The following PCDHA8 variants were observed in gnomAD, a reference collection of about 807,000 sequenced individuals.
The protein encoded by PCDHA8 is protocadherin alpha-8.
PCDHA8 carries 53 observed loss-of-function variants against 61.8 expected under a neutral mutation model. The observed-to-expected ratio is 0.86, with a 90% CI of 0.69 to 1.08. PCDHA8 has a LOEUF of 1.08. Among genes scored for constraint, PCDHA8 ranks in the 50% least tolerant of loss-of-function variants. The pLI is 0.00. For missense variants in PCDHA8, 1,293 were observed against 1,245.0 expected (o/e 1.04, Z -0.58); for synonymous variants, 618 against 556.6 (o/e 1.11, Z -1.55).
rs2150397998 is a variant in PCDHA8, at chr5:140,847,199, C to T, written c.2394+3484C>T. On this transcript the variant is annotated intron_variant, in intron 1 of 3. Coordinates refer to ENST00000531613, the MANE Select transcript of PCDHA8 (RefSeq NM_018911.3). ...GGCCATGAGTGATTAAGGAATTTGGCCACTCTTTAGAATTAATTGGGAGCT... is the reference window on the plus strand; with the variant it reads ...GGCCATGAGTGATTAAGGAATTTGGTCACTCTTTAGAATTAATTGGGAGCT... Among the ~76,000 whole-genome samples the T allele has an allele frequency of 2.7e-5, 4 of 149,538 alleles. No homozygotes were observed. In the East Asian group the frequency reaches 7.8e-4, roughly 29 times the overall value.
intron 1 of PCDHA8, chr5:140,968,831 C>T (rs1469537973): frequency 1.2e-6 from 2 of 1,614,020 alleles, no homozygotes; most frequent in Non-Finnish European, 8.5e-7. Flanking sequence ...CAAAATCCTC[C>T]CTGACACTCA....
chr5:140,869,252 A>G (rs1204781858), intron 1 of PCDHA8: 2 of 1,613,490 alleles, frequency 1.2e-6, no homozygotes, highest in African/African-American at 2.7e-5. Flanking sequence ...CGCATCGCGC[A>G]GGACCTGGGG....
chr5:140,934,704 T>C (rs185443398), intron 1 of PCDHA8, among the ~76,000 whole-genome samples: 134 of 152,288 alleles, frequency 8.8e-4, no homozygotes, highest in Non-Finnish European at 1.6e-3. Context: ...TTCCTGGCCA[T>C]CTTACAAAAA....
chr5:140,849,671 C>T (rs2150444365), intron 1 of PCDHA8: 6 of 1,598,630 alleles, frequency 3.8e-6, no homozygotes, highest in Middle Eastern at 1.7e-4. Flanking sequence ...TGACGCCCCA[C>T]GTCCCCTTCA....
chr5:140,898,547 A>C (rs1337213913), intron 1 of PCDHA8, among the ~76,000 whole-genome samples: 3 of 152,078 alleles, frequency 2.0e-5, no homozygotes, highest in Non-Finnish European at 4.4e-5. Flanking sequence ...CCATTTATCT[A>C]TGTCTCTGTT....
rs114294981 is a variant in PCDHA8, at chr5:140,997,261, C to T, written c.2543-12366C>T. On this transcript the variant is annotated intron_variant, in intron 3 of 3. Transcript: ENST00000531613. ...CATGTTTACTTTAGGGTTCACTCTT[C>T]CAAATATTTCTTGCATCACTTAACA... Among the ~76,000 whole-genome samples, 265 of 152,266 alleles carry T rather than the reference C, an allele frequency of 1.7e-3. 1 individual carries two copies. The highest frequency in any genetic ancestry group is 6.2e-3 in the African/African-American group (257 of 41,540).
At chr5:140,899,217 C>T (rs1467184800) in intron 1 of PCDHA8, among the ~76,000 whole-genome samples, 1 of 152,040 alleles carries the variant, frequency 6.6e-6, no homozygotes, top group Non-Finnish European at 1.5e-5. Flanking sequence ...GCCAGAACTT[C>T]CAACACTATG....
chr5:140,928,959 T>C (rs782250969), intron 1 of PCDHA8: 1 of 1,613,980 alleles, frequency 6.2e-7, no homozygotes, highest in South Asian at 1.1e-5. Context: ...TTGCCTTGGC[T>C]TGTATTTCCT....
At chr5:140,875,779 A>G (rs1174243985) in intron 1 of PCDHA8, 1 of 1,614,194 alleles carries the variant, frequency 6.2e-7, no homozygotes, top group Non-Finnish European at 8.5e-7. Context: ...CGCGGAGTGC[A>G]GTATCCACCT....
intron 1 of PCDHA8, chr5:140,857,885 G>A: frequency 6.3e-7 from 1 of 1,597,988 alleles, no homozygotes; most frequent in Non-Finnish European, 8.6e-7. Context: ...ATTGCAGTCG[G>A]CGGCGGTTGG....
chr5:140,850,459 G>A (rs2150485191), intron 1 of PCDHA8: 2 of 1,598,012 alleles, frequency 1.3e-6, no homozygotes, highest in South Asian at 2.2e-5. Context: ...AAAGACCACG[G>A]GGAGCCAGCG....
At chr5:140,974,808 G>A (rs1229375180) in intron 1 of PCDHA8, among the ~76,000 whole-genome samples, 1 of 152,090 alleles carries the variant, frequency 6.6e-6, no homozygotes, top group Non-Finnish European at 1.5e-5. Context: ...TATACTAGAA[G>A]ACCAATATGC....
chr5:140,918,494 G>A (rs1252984580), intron 1 of PCDHA8, among the ~76,000 whole-genome samples: 2 of 152,098 alleles, frequency 1.3e-5, no homozygotes, highest in Non-Finnish European at 2.9e-5. Context: ...GCTTTGGATG[G>A]TACCAATCCT....
chr5:140,841,402 G>A lies in PCDHA8; in HGVS notation c.81G>A (p.Gly27=), dbSNP rs2150314669. 15 of 1,613,154 alleles carry A rather than the reference G, an allele frequency of 9.3e-6. No individual in the cohort carries two copies. The highest frequency in any genetic ancestry group is 1.3e-5 in the Non-Finnish European group (15 of 1,179,854). ...LLLLLAAWKV[G]SGQLHYSVPE... ...TGCTCCTCGCAGCCTGGAAGGTGGG[G>A]AGCGGCCAGCTCCACTACTCCGTCC... Residue 27 remains glycine, a synonymous_variant, in exon 1 of 4, where the codon GGG becomes GGA. Transcript: ENST00000531613.
At chr5:140,846,476 A>G (rs2150391448) in intron 1 of PCDHA8, among the ~76,000 whole-genome samples, 10 of 143,712 alleles carry the variant, frequency 7.0e-5, no homozygotes, top group Admixed American at 2.1e-4. Context: ...CCGGGTTCAA[A>G]TGATTCTCCT....
rs528840085 is a variant in PCDHA8 at position 140,876,225 on chromosome 5, GT to G, written c.2394+32511del. 8.8e-5 allele frequency: 142 copies of G among 1,613,982 alleles called. No homozygotes were observed. The African/African-American group carries it at 1.7e-3, about 20-fold the overall frequency. The stretch of plus-strand genomic sequence containing the variant: ...ATAAGCCCAGCTATAAAGTAGTGTT[GT>G]CTGAAAATGTCCAAAACGACACAAG... On this transcript the variant is annotated intron_variant, in intron 1 of 3. Coordinates refer to ENST00000531613, the MANE Select transcript of PCDHA8 (RefSeq NM_018911.3).
chr5:140,952,176 C>G (rs1300041660), intron 1 of PCDHA8, among the ~76,000 whole-genome samples: 1 of 152,058 alleles, frequency 6.6e-6, no homozygotes, highest in African/African-American at 2.4e-5. Flanking sequence ...GTTCCTGCAG[C>G]TGCTCTCATG....
At chr5:140,958,078 G>A (rs1447110228) in intron 1 of PCDHA8, among the ~76,000 whole-genome samples, 1 of 152,064 alleles carries the variant, frequency 6.6e-6, no homozygotes, top group Admixed American at 6.6e-5. Flanking sequence ...GAAGCAAAAA[G>A]TAAAGTTGTA....
chr5:140,894,584 T>G (rs1554186162), intron 1 of PCDHA8, among the ~76,000 whole-genome samples: 1 of 152,006 alleles, frequency 6.6e-6, no homozygotes, highest in Non-Finnish European at 1.5e-5. Flanking sequence ...TTTTAATATT[T>G]TACTGAGTTT....
Sources: gnomAD v4.1 joint callset for allele counts (sites outside exome capture counted in the v4.1 genomes callset) on GRCh38, gnomAD v4.1.1 for gene constraint, MANE v1.5 for transcripts, NCBI Gene and HGNC (gene_info 2026-07-23, HGNC 2026-07-21) for gene names.